GALNT18: variants seen among roughly 807,000 people sequenced by gnomAD.
GALNT18 encodes the protein GalNAc-transferase 18.
In GALNT18, 44 loss-of-function variants were observed where a neutral mutation model predicts 69.5. The ratio of observed to expected loss-of-function variants is 0.63; its 90% CI spans 0.50 to 0.81. GALNT18 has a LOEUF of 0.81. GALNT18 is among the 40% of genes least tolerant of loss of function. The probability of loss-of-function intolerance (pLI) is 0.00; values close to 1 mark genes in which losing one functional copy is unlikely to be tolerated. For synonymous variants in GALNT18, 364 were observed against 318.2 expected, an observed-to-expected ratio of 1.14 and a Z score of -1.53; for missense variants, 715 against 810.0, an observed-to-expected ratio of 0.88 and a Z score of 1.42.
chr11:11,601,675 G>C lies in GALNT18; in HGVS notation c.235+19684C>G, dbSNP rs2133946385. ...GAGGCCAGTTTTTGAGGCTTTCTTT[G>C]ACCATAGGAAATGTCTCTTTCTTTG... On this transcript the variant is annotated intron_variant, in intron 1 of 10. Coordinates refer to ENST00000227756, the MANE Select transcript of GALNT18 (RefSeq NM_198516.3). This position sits in a 1 kb window ranked among gnomAD's most constrained non-coding sequence, Gnocchi z 4.0. Among the ~76,000 whole-genome samples, 1 of 152,260 alleles carries C rather than the reference G, an allele frequency of 6.6e-6. No homozygotes were observed. The highest frequency in any genetic ancestry group is 1.9e-4 in the East Asian group (1 of 5,180).
At chr11:11,306,310 G>C (rs1849578938) in intron 9 of GALNT18, among the ~76,000 whole-genome samples, 1 of 152,122 alleles carries the variant, frequency 6.6e-6, no homozygotes, top group Admixed American at 6.5e-5. Flanking sequence ...GGACTCACTA[G>C]CAATCTTGGT....
At chr11:11,313,031 CAAGT>C (rs2133031506) in intron 9 of GALNT18, among the ~76,000 whole-genome samples, 1 of 152,228 alleles carries the variant, frequency 6.6e-6, no homozygotes, top group East Asian at 1.9e-4. Flanking sequence ...CTAAGAATAA[CAAGT>C]AAGGACACCT....
chr11:11,374,265 C>T (rs1013173915), intron 5 of GALNT18, among the ~76,000 whole-genome samples: 21 of 152,270 alleles, frequency 1.4e-4, no homozygotes, highest in Admixed American at 1.3e-3. Context: ...AAGAGAAGTT[C>T]CCTAGCCTCT....
chr11:11,308,900 C>T lies in GALNT18; in HGVS notation c.1513-15707G>A, dbSNP rs567177142. On this transcript the variant is annotated intron_variant, in intron 9 of 10. Coordinates refer to ENST00000227756, the MANE Select transcript of GALNT18 (RefSeq NM_198516.3). ...GCTGTGTTCCACTTTAGCCCACCCA[C>T]ACCTAGACCCCAGCTCTTAGTGCCC... 2.6e-4 allele frequency among the ~76,000 whole-genome samples: 39 copies of T among 152,302 alleles called. No individual in the cohort carries two copies. In the South Asian group the frequency reaches 4.1e-3, roughly 16 times the overall value.
chr11:11,484,761 T>A (rs1465098858), intron 1 of GALNT18, among the ~76,000 whole-genome samples: 2 of 151,894 alleles, frequency 1.3e-5, no homozygotes. Flanking sequence ...ACCCAAGTTA[T>A]GGGGGGACCT....
chr11:11,530,812 C>G (rs957288180), intron 1 of GALNT18, among the ~76,000 whole-genome samples: 3 of 152,230 alleles, frequency 2.0e-5, no homozygotes, highest in Non-Finnish European at 4.4e-5. Flanking sequence ...ACTGGGTGCC[C>G]CACAGAAGCT....
At chr11:11,569,100 G>T (rs924128721) in intron 1 of GALNT18, among the ~76,000 whole-genome samples, 10 of 152,186 alleles carry the variant, frequency 6.6e-5, no homozygotes, top group Non-Finnish European at 1.2e-4. Context: ...TGTAGTCAAG[G>T]ATTTACTAAC....
intron 1 of GALNT18, among the ~76,000 whole-genome samples, chr11:11,533,297 A>C (rs1350333508): frequency 2.0e-5 from 3 of 152,166 alleles, no homozygotes; most frequent in Non-Finnish European, 4.4e-5. Context: ...TACAGAGAAG[A>C]AGCTGAGCTC....
chr11:11,273,878 T>A (rs1848879171), intron 10 of GALNT18, among the ~76,000 whole-genome samples: 1 of 148,558 alleles, frequency 6.7e-6, no homozygotes, highest in African/African-American at 2.4e-5. Flanking sequence ...ATAATGAGAC[T>A]CTGGTTTCAC....
chr11:11,474,866 A>G (rs1264840509), intron 1 of GALNT18, among the ~76,000 whole-genome samples: 2 of 152,344 alleles, frequency 1.3e-5, no homozygotes, highest in East Asian at 1.9e-4. Context: ...TCTAGAAAAC[A>G]TACTAGAGGA....
intron 1 of GALNT18, among the ~76,000 whole-genome samples, chr11:11,512,413 C>A (rs1857183600): frequency 6.6e-6 from 1 of 152,226 alleles, no homozygotes; most frequent in Non-Finnish European, 1.5e-5. Flanking sequence ...TACAGATTCT[C>A]TCTGGATTTC....
intron 1 of GALNT18, among the ~76,000 whole-genome samples, chr11:11,567,728 T>C (rs1253937925): frequency 6.6e-6 from 1 of 152,180 alleles, no homozygotes; most frequent in Non-Finnish European, 1.5e-5. Flanking sequence ...TACATGGCAT[T>C]GTTTGGGAAT....
intron 6 of GALNT18, chr11:11,352,793 G>A (rs528214897): frequency 1.9e-6 from 3 of 1,614,164 alleles, no homozygotes; most frequent in East Asian, 2.2e-5. Flanking sequence ...AAACCAAGGC[G>A]GGGGTTCGTG....
rs932150657 is a variant in GALNT18 at position 11,505,705 on chromosome 11, G to A, written c.236-56769C>T. Among the ~76,000 whole-genome samples the A allele has an allele frequency of 2.1e-4, 32 of 152,148 alleles. No individual in the cohort carries two copies. Among genetic ancestry groups the A allele is most frequent in the Admixed American group, 8.5e-4 (13 of 15,282 alleles). ...CCCATTCTGATTTAATACCACACTCGCTTCCTCCTGCAAACTCTTGCTGCT... is the reference window on the plus strand; with the variant it reads ...CCCATTCTGATTTAATACCACACTCACTTCCTCCTGCAAACTCTTGCTGCT... On this transcript the variant is annotated intron_variant, in intron 1 of 10. Transcript: ENST00000227756. The surrounding 1 kb of genome is among the most constrained non-coding windows in gnomAD (Gnocchi z 4.6).
At chr11:11,364,089 C>T (rs1406691794) in intron 6 of GALNT18, among the ~76,000 whole-genome samples, 1 of 150,716 alleles carries the variant, frequency 6.6e-6, no homozygotes, top group Non-Finnish European at 1.5e-5. Flanking sequence ...AGAATCAATT[C>T]ATTATTTTGA....
chr11:11,572,236 C>T lies in GALNT18; in HGVS notation c.235+49123G>A, dbSNP rs118142906. ...TGGGATCCTTGACCACGTAACCACT[C>T]GGCCTCAGTTTCTTTATCTAGAAGA... On this transcript the variant is annotated intron_variant, in intron 1 of 10. Coordinates refer to ENST00000227756, the MANE Select transcript of GALNT18 (RefSeq NM_198516.3). Among the ~76,000 whole-genome samples, 702 of 152,348 alleles carry T rather than the reference C, an allele frequency of 4.6e-3. 6 individuals carry two copies. Among genetic ancestry groups the T allele is most frequent in the Non-Finnish European group, 6.9e-3 (467 of 68,038 alleles).
At position 11,435,949 on chromosome 11, in the gene GALNT18, T is replaced by C. The variant is rs1855389997; in HGVS notation, c.429-3162A>G. On this transcript the variant is annotated intron_variant, in intron 2 of 10. Coordinates refer to ENST00000227756, the MANE Select transcript of GALNT18 (RefSeq NM_198516.3). This position sits in a 1 kb window ranked among gnomAD's most constrained non-coding sequence, Gnocchi z 4.4. ...GACCTCCTTAAATCCTTCTTTTCTCTTCTCTCCTGGGACTGCTGGGGCCTC... is the reference window on the plus strand; with the variant it reads ...GACCTCCTTAAATCCTTCTTTTCTCCTCTCTCCTGGGACTGCTGGGGCCTC... 6.6e-6 allele frequency among the ~76,000 whole-genome samples: 1 copy of C among 152,226 alleles called. No homozygotes were observed. The highest frequency in any genetic ancestry group is 2.4e-5 in the African/African-American group (1 of 41,470).
intron 1 of GALNT18, among the ~76,000 whole-genome samples, chr11:11,503,448 T>C (rs964096534): frequency 1.3e-5 from 2 of 152,222 alleles, no homozygotes; most frequent in Non-Finnish European, 2.9e-5. Flanking sequence ...CCACCTCCAC[T>C]GCAATTTCCA....
rs1850316224 is a variant in GALNT18, at chr11:11,347,014, G to C, written c.1093-6010C>G. Among the ~76,000 whole-genome samples the C allele has an allele frequency of 6.6e-6, 1 of 152,176 alleles. No individual in the cohort carries two copies. The highest frequency in any genetic ancestry group is 2.4e-5 in the African/African-American group (1 of 41,436). Reference sequence around the variant, plus strand: ...TCCCACGAGCAAAGGCGGGCATGTAGTGGGTTCTCAGGGAGGCTCAGATCA... The same window carrying C: ...TCCCACGAGCAAAGGCGGGCATGTACTGGGTTCTCAGGGAGGCTCAGATCA... On this transcript the variant is annotated intron_variant, in intron 6 of 10. Transcript: ENST00000227756. This position sits in a 1 kb window ranked among gnomAD's most constrained non-coding sequence, Gnocchi z 4.0.
Sources: gnomAD v4.1 joint callset for allele counts (sites outside exome capture counted in the v4.1 genomes callset) on GRCh38, gnomAD v4.1.1 for gene constraint, Gnocchi (gnomAD v3.1) non-coding constraint, MANE v1.5 for transcripts, NCBI Gene and HGNC (gene_info 2026-07-23, HGNC 2026-07-21) for gene names.